Variants in ZNF638 observed in about 807,000 individuals in gnomAD.
ZNF638 encodes CTCL tumor antigen se33-1.
Under a neutral mutation model 195.6 loss-of-function variants are expected in ZNF638, and 46 were observed. That is an observed-to-expected ratio of 0.24 (90% CI 0.19 to 0.30). The LOEUF (loss-of-function observed/expected upper bound fraction) is 0.30, where lower values mean the gene tolerates loss of function less well. Ranked by LOEUF, ZNF638 falls within the 10% of genes least tolerant of loss-of-function variation. The pLI, the probability that ZNF638 is intolerant of heterozygous loss-of-function variation, is 1.00. For missense variants in ZNF638, 2,440 were observed against 2,325.3 expected (o/e 1.05, Z -1.01); for synonymous variants, 845 against 772.0 (o/e 1.09, Z -1.57).
rs1290434146 is a variant in ZNF638 at position 71,431,372 on chromosome 2, G to T, written c.5696G>T (p.Arg1899Leu). The T allele has an allele frequency of 1.2e-6, 2 of 1,613,950 alleles. No individual in the cohort carries two copies. Among genetic ancestry groups the T allele is most frequent in the East Asian group, 4.5e-5 (2 of 44,874 alleles). ...GLKDSEPERKRKKTEDSSSGK... is the reference protein window; with the variant it reads ...GLKDSEPERKLKKTEDSSSGK... ...AAGGATTCAGAACCAGAGCGAAAAC[G>T]CAAGAAGACTGAAGACTCTTCTTCA... Residue 1899 changes from arginine (R) to leucine (L), a missense_variant, in exon 26 of 28, where the codon CGC (arginine) becomes CTC (leucine). Physicochemically the swap from Arg to Leu is moderately radical, Grantham distance 102 (BLOSUM62 -2). Coordinates refer to ENST00000264447, the MANE Select transcript of ZNF638 (RefSeq NM_014497.5).
At chr2:71,346,946 C>T (rs951920554) in intron 1 of ZNF638, among the ~76,000 whole-genome samples, 12 of 151,908 alleles carry the variant, frequency 7.9e-5, no homozygotes, top group Admixed American at 7.2e-4. Flanking sequence ...ATGGCTTGAA[C>T]CCAAGAGGTG....
At chr2:71,393,326 G>T in intron 10 of ZNF638, 1 of 689,964 alleles carries the variant, frequency 1.4e-6, no homozygotes, top group African/African-American at 1.8e-5. Flanking sequence ...AAATAGTAAC[G>T]TATGGTGTAG....
At chr2:71,354,424 A>G (rs2078990132) in intron 2 of ZNF638, among the ~76,000 whole-genome samples, 1 of 151,854 alleles carries the variant, frequency 6.6e-6, no homozygotes, top group Admixed American at 6.6e-5. Flanking sequence ...TTTATTTGTA[A>G]ATGAAGTAAT....
intron 21 of ZNF638, among the ~76,000 whole-genome samples, chr2:71,418,904 C>G (rs912895433): frequency 6.6e-6 from 1 of 152,164 alleles, no homozygotes; most frequent in East Asian, 1.9e-4. Flanking sequence ...AAATAAACCA[C>G]TTTATAAAAT....
intron 8 of ZNF638, 93 bp from the exon 9 acceptor site, chr2:71,380,129 C>T (rs2079510332): frequency 1.6e-6 from 1 of 624,400 alleles, no homozygotes; most frequent in South Asian, 3.3e-5. Flanking sequence ...AATCATGTGT[C>T]CTTTAGAATA....
chr2:71,366,445 T>G lies in ZNF638; in HGVS notation c.1995+739T>G, dbSNP rs369462250. ...GAAATTATGAGTTTTGTTACATGAT[T>G]TTAGTATGGAATATTTTACTGGTTT... On this transcript the variant is annotated intron_variant, in intron 6 of 27. Coordinates refer to ENST00000264447, the MANE Select transcript of ZNF638 (RefSeq NM_014497.5). Among the ~76,000 whole-genome samples, 5 of 152,206 alleles carry G rather than the reference T, an allele frequency of 3.3e-5. No homozygotes were observed. In the South Asian group the frequency reaches 8.3e-4, roughly 25 times the overall value.
chr2:71,350,476 C>T (rs986820478), intron 2 of ZNF638, among the ~76,000 whole-genome samples: 4 of 152,142 alleles, frequency 2.6e-5, no homozygotes, highest in African/African-American at 7.2e-5. Flanking sequence ...TTCCTATGAC[C>T]GGGCACACCA....
rs1191806519 is a variant in ZNF638 at position 71,349,999 on chromosome 2, G to C, written c.1045G>C (p.Glu349Gln). Residue 349 changes from glutamate (E) to glutamine (Q), a missense_variant, in exon 2 of 28, where the codon GAG (glutamate) becomes CAG (glutamine). By Grantham distance (29) the Glu-to-Gln change is conservative. This residue lies in a region of ZNF638 where 305 missense variants were observed against 283.6 expected (regional missense o/e 1.08). Coordinates refer to ENST00000264447, the MANE Select transcript of ZNF638 (RefSeq NM_014497.5). ...SELISSVSQQ[E>Q]RIPHEPVINS... ...ATTAATTTCATCTGTAAGCCAGCAA[G>C]AGCGGATCCCACATGAACCTGTGAT... is the stretch of plus-strand genomic sequence containing the variant. The C allele has an allele frequency of 6.2e-7, 1 of 1,614,194 alleles. No individual in the cohort carries two copies. Among genetic ancestry groups the C allele is most frequent in the East Asian group, 2.2e-5 (1 of 44,882 alleles).
chr2:71,371,081 T>C (rs907523023), intron 8 of ZNF638, among the ~76,000 whole-genome samples: 2 of 152,158 alleles, frequency 1.3e-5, no homozygotes, highest in Non-Finnish European at 2.9e-5. Flanking sequence ...CACAAATAAG[T>C]GGGAACATGT....
At chr2:71,413,922 T>G (rs2080266473) in intron 20 of ZNF638, among the ~76,000 whole-genome samples, 1 of 20,938 alleles carries the variant, frequency 4.8e-5, no homozygotes, top group African/African-American at 2.2e-4. Flanking sequence ...TCATCAAGGA[T>G]ATTGGTCTAA....
chr2:71,431,022 T>G (rs972269905), intron 25 of ZNF638: 17 of 216,976 alleles, frequency 7.8e-5, no homozygotes, highest in African/African-American at 2.8e-4. Context: ...CTTAGCACTT[T>G]GCATATATAA....
intron 13 of ZNF638, among the ~76,000 whole-genome samples, chr2:71,399,862 A>G (rs1486572816): frequency 1.3e-5 from 2 of 152,188 alleles, no homozygotes; most frequent in East Asian, 3.9e-4. Flanking sequence ...AATAGGCCCC[A>G]GTGTGTTGTT....
At chr2:71,425,068 G>A (rs1049365973) in intron 23 of ZNF638, among the ~76,000 whole-genome samples, 7 of 152,126 alleles carry the variant, frequency 4.6e-5, no homozygotes, top group Non-Finnish European at 7.4e-5. Flanking sequence ...CATTTGACTT[G>A]AGTCATCCTC....
At chr2:71,342,528 A>G (rs1403042567) in intron 1 of ZNF638, among the ~76,000 whole-genome samples, 3 of 152,200 alleles carry the variant, frequency 2.0e-5, no homozygotes, top group African/African-American at 7.2e-5. Flanking sequence ...GCATCTGTGA[A>G]TCTACATAGG....
intron 8 of ZNF638, among the ~76,000 whole-genome samples, chr2:71,374,295 T>G (rs2079377105): frequency 6.6e-6 from 1 of 152,258 alleles, no homozygotes; most frequent in South Asian, 2.1e-4. Flanking sequence ...CTTGTTGATT[T>G]GAAAAGCTTC....
At chr2:71,399,410 G>A (rs1005747993) in intron 12 of ZNF638, 149 bp from the exon 13 acceptor site, 5 of 605,314 alleles carry the variant, frequency 8.3e-6, no homozygotes. Flanking sequence ...TACTGGGAAA[G>A]AGGTACTGAA....
At chr2:71,431,876 G>C (rs749264758) in intron 26 of ZNF638, among the ~76,000 whole-genome samples, 5 of 152,170 alleles carry the variant, frequency 3.3e-5, no homozygotes, top group Non-Finnish European at 7.3e-5. Context: ...TTACACAGTG[G>C]CATTTTTGAA....
In ZNF638 at chr2:71,367,881, C is replaced by T. The variant is rs374166025; in HGVS notation, c.1996-501C>T. Among the ~76,000 whole-genome samples the T allele has an allele frequency of 7.2e-5, 11 of 152,050 alleles. No individual in the cohort carries two copies. In the South Asian group the frequency reaches 8.3e-4, roughly 11 times the overall value. ...CACCATGCCTGGCTGTAATTTTTAA[C>T]GTAAGCGGTAAAGTTGATACTACAG... On this transcript the variant is annotated intron_variant, in intron 6 of 27. Transcript: ENST00000264447.
chr2:71,385,595 T>C (rs2104373183), intron 10 of ZNF638, among the ~76,000 whole-genome samples: 1 of 152,290 alleles, frequency 6.6e-6, no homozygotes, highest in East Asian at 1.9e-4. Flanking sequence ...CACACTGATC[T>C]ACACCTATGA....
Sources: gnomAD v4.1 joint callset for allele counts (sites outside exome capture counted in the v4.1 genomes callset) on GRCh38, gnomAD v4.1.1 for gene constraint, gnomAD v4.1.1 regional missense constraint, MANE v1.5 for transcripts, NCBI Gene and HGNC (gene_info 2026-07-23, HGNC 2026-07-21) for gene names.